UNC13C: variants seen among roughly 807,000 people sequenced by gnomAD.
The protein encoded by UNC13C is protein unc-13 homolog C.
Under a neutral mutation model 245.4 loss-of-function variants are expected in UNC13C, and 174 were observed. The ratio of observed to expected loss-of-function variants is 0.71; its 90% CI spans 0.63 to 0.80. UNC13C has a LOEUF of 0.80. Among genes scored for constraint, UNC13C ranks in the 30% least tolerant of loss-of-function variants. The pLI is 0.00. For synonymous variants in UNC13C, 992 were observed against 895.1 expected, an observed-to-expected ratio of 1.11 and a Z score of -1.93; for missense variants, 2,829 against 2,602.9, an observed-to-expected ratio of 1.09 and a Z score of -1.89.
intron 19 of UNC13C, among the ~76,000 whole-genome samples, chr15:54,451,097 A>G (rs1398776033): frequency 6.6e-6 from 1 of 151,966 alleles, no homozygotes; most frequent in East Asian, 1.9e-4. Context: ...TTATTTTGTT[A>G]AATAGAGTTT....
chr15:54,583,152 T>G (rs1182946854), intron 30 of UNC13C, among the ~76,000 whole-genome samples: 1 of 152,134 alleles, frequency 6.6e-6, no homozygotes, highest in African/African-American at 2.4e-5. Context: ...CGCCACACCA[T>G]TCCTATCATG....
intron 29 of UNC13C, among the ~76,000 whole-genome samples, chr15:54,559,262 T>C (rs542759161): frequency 6.6e-6 from 1 of 152,152 alleles, no homozygotes; most frequent in Non-Finnish European, 1.5e-5. Context: ...TTTCTTATGT[T>C]CAGGACTCCA....
In UNC13C at chr15:54,062,275, C is replaced by T. The variant is rs545140501; in HGVS notation, c.2983+46389C>T. ...TGGAGGTTGCAGTGAGCCGAGATCG[C>T]CCATTGCACTGCACTCCAGCCTGGA... On this transcript the variant is annotated intron_variant, in intron 2 of 32. Coordinates refer to ENST00000260323, the MANE Select transcript of UNC13C (RefSeq NM_001080534.3). 1.5e-4 allele frequency among the ~76,000 whole-genome samples: 22 copies of T among 151,436 alleles called. No individual in the cohort carries two copies. The East Asian group carries it at 4.3e-3, about 29-fold the overall frequency.
chr15:54,375,860 C>A (rs2039595776), intron 17 of UNC13C, among the ~76,000 whole-genome samples: 1 of 152,160 alleles, frequency 6.6e-6, no homozygotes, highest in Admixed American at 6.5e-5. Context: ...GACTCTTGAC[C>A]CATTAAAACT....
At chr15:53,935,500 A>G in the UNC13C span, among the ~76,000 whole-genome samples, 8 of 152,206 alleles carry the variant, frequency 5.3e-5, no homozygotes, top group Admixed American at 1.3e-4. Flanking sequence ...TGATCCACCT[A>G]CCCAATTTAA....
intron 4 of UNC13C, among the ~76,000 whole-genome samples, chr15:54,161,897 G>A (rs182954773): frequency 2.0e-4 from 30 of 152,138 alleles, no homozygotes; most frequent in African/African-American, 7.2e-4. Context: ...GCAGTGAGCC[G>A]AGATTGCGCC....
At chr15:54,622,658 T>A (rs559508929) in intron 31 of UNC13C, among the ~76,000 whole-genome samples, 1 of 152,306 alleles carries the variant, frequency 6.6e-6, no homozygotes, top group South Asian at 2.1e-4. Context: ...AAACTTACTT[T>A]ATCAGATATT....
chr15:53,889,200 A>G, the UNC13C span, among the ~76,000 whole-genome samples: 24 of 152,204 alleles, frequency 1.6e-4, no homozygotes, highest in African/African-American at 5.5e-4. Context: ...ATGTTTTTCC[A>G]TTTGTTTGTG....
the UNC13C span, among the ~76,000 whole-genome samples, chr15:53,940,385 C>A: frequency 5.3e-5 from 8 of 152,054 alleles, no homozygotes; most frequent in African/African-American, 1.4e-4. Flanking sequence ...AAGCTGGAAG[C>A]ATTCCCCTTG....
intron 19 of UNC13C, among the ~76,000 whole-genome samples, chr15:54,484,124 A>T (rs566860265): frequency 8.1e-6 from 1 of 123,518 alleles, no homozygotes; most frequent in African/African-American, 3.8e-5. Flanking sequence ...GATTAGCTAC[A>T]CAGTTTTCTC....
chr15:54,156,999 T>C (rs1489134243), intron 4 of UNC13C, among the ~76,000 whole-genome samples: 1 of 152,012 alleles, frequency 6.6e-6, no homozygotes, highest in East Asian at 1.9e-4. Flanking sequence ...GTTGTATAAG[T>C]AACTTTTAAG....
chr15:54,153,650 A>G (rs1202884773), intron 4 of UNC13C, among the ~76,000 whole-genome samples: 1 of 152,112 alleles, frequency 6.6e-6, no homozygotes, highest in Non-Finnish European at 1.5e-5. Context: ...CACTTACATT[A>G]TATTTTAAAT....
intron 19 of UNC13C, among the ~76,000 whole-genome samples, chr15:54,486,466 A>G (rs1893416375): frequency 6.6e-6 from 1 of 151,882 alleles, no homozygotes. Flanking sequence ...GAAAAAGAAA[A>G]GAAAAGAAAA....
Position 54,070,632 on chromosome 15 carries a change from A to G in UNC13C, c.2983+54746A>G, listed in dbSNP as rs143162821. ...ATAAATATGGTTCTGTTTTGTATCA[A>G]ATTTTTCAGGATACTTGGACCATGC... is the stretch of plus-strand genomic sequence containing the variant. On this transcript the variant is annotated intron_variant, in intron 2 of 32. Coordinates refer to ENST00000260323, the MANE Select transcript of UNC13C (RefSeq NM_001080534.3). Among the ~76,000 whole-genome samples the G allele has an allele frequency of 6.9e-3, 1,054 of 152,172 alleles. 10 individuals are homozygous for G. The highest frequency in any genetic ancestry group is 0.011 in the Non-Finnish European group (745 of 67,996).
chr15:54,373,411 A>G (rs2039536188), intron 17 of UNC13C, among the ~76,000 whole-genome samples: 1 of 152,074 alleles, frequency 6.6e-6, no homozygotes, highest in Non-Finnish European at 1.5e-5. Flanking sequence ...TCAAGGGTGA[A>G]CCAGGCATGA....
At chr15:53,880,089 A>G in the UNC13C span, among the ~76,000 whole-genome samples, 47 of 152,182 alleles carry the variant, frequency 3.1e-4, no homozygotes, top group African/African-American at 1.1e-3. Context: ...GAGGGCCACT[A>G]TCATGTCCAT....
At chr15:54,569,836 G>C (rs1260872476) in intron 30 of UNC13C, among the ~76,000 whole-genome samples, 3 of 151,608 alleles carry the variant, frequency 2.0e-5, no homozygotes, top group Non-Finnish European at 4.4e-5. Flanking sequence ...GTAGGATATA[G>C]ATACGAAATG....
rs578244916 is a variant in UNC13C at position 54,518,896 on chromosome 15, A to G, written c.5458-6653A>G. ...TTGATTCTATTCCTAACTTATCCCT[A>G]CCCAGTCCATTTTCACAATTAGCCA... On this transcript the variant is annotated intron_variant, in intron 24 of 32. Coordinates refer to ENST00000260323, the MANE Select transcript of UNC13C (RefSeq NM_001080534.3). Among the ~76,000 whole-genome samples, 8 of 152,272 alleles carry G rather than the reference A, an allele frequency of 5.3e-5. 1 individual carries two copies. Among genetic ancestry groups the G allele is most frequent in the African/African-American group, 1.9e-4 (8 of 41,556 alleles).
intron 18 of UNC13C, among the ~76,000 whole-genome samples, chr15:54,413,856 T>G (rs2040464613): frequency 6.6e-6 from 1 of 152,188 alleles, no homozygotes; most frequent in Non-Finnish European, 1.5e-5. Flanking sequence ...GAGAGCTAGC[T>G]CTGTTCTTTG....
Sources: allele counts gnomAD v4.1 joint callset (sites outside exome capture counted in the v4.1 genomes callset), GRCh38; gene constraint gnomAD v4.1.1; transcripts MANE v1.5; gene names NCBI Gene and HGNC (gene_info 2026-07-23, HGNC 2026-07-21).